FBXO27: variants seen among roughly 807,000 people sequenced by gnomAD.
FBXO27 encodes F-box protein 27.
Under a neutral mutation model 28.3 loss-of-function variants are expected in FBXO27, and 28 were observed. That is an observed-to-expected ratio of 0.99 (90% CI 0.73 to 1.36). FBXO27 has a LOEUF of 1.36. FBXO27 is among the 40% of genes most tolerant of loss of function. FBXO27 has a pLI of 0.00. For synonymous variants in FBXO27, 175 were observed against 167.3 expected, an observed-to-expected ratio of 1.05 and a Z score of -0.36; for missense variants, 388 against 394.1, an observed-to-expected ratio of 0.98 and a Z score of 0.13.
In FBXO27 at chr19:39,032,434, T is replaced by G; in HGVS notation, c.-27+69A>C. On this transcript the variant is annotated intron_variant, in intron 1 of 5. Coordinates refer to ENST00000292853, the MANE Select transcript of FBXO27 (RefSeq NM_178820.5). This position sits in a 1 kb window ranked among gnomAD's most constrained non-coding sequence, Gnocchi z 4.7. ...TATCCCGGAGACCCCGCGGTCTGTG[T>G]GTATGCCCCGAATTGCATGCAATCA... 1.4e-6 allele frequency: 1 copy of G among 703,566 alleles called. No homozygotes were observed. The highest frequency in any genetic ancestry group is 2.1e-6 in the Non-Finnish European group (1 of 472,244). The allele number at this position is 703,566 out of a possible 1,614,324, so 43.6% of individuals were successfully genotyped here. A position where few individuals can be genotyped will look rare whatever the true frequency, so the allele number is the denominator to read the frequency against.
intron 2 of FBXO27, among the ~76,000 whole-genome samples, chr19:39,012,078 C>A (rs183115230): frequency 6.6e-6 from 1 of 151,830 alleles, no homozygotes; most frequent in Non-Finnish European, 1.5e-5. Flanking sequence ...CGTGATCCGC[C>A]CGTCTCGGCC....
At chr19:39,012,192 T>A (rs2072798712) in intron 2 of FBXO27, among the ~76,000 whole-genome samples, 1 of 149,472 alleles carries the variant, frequency 6.7e-6, no homozygotes, top group South Asian at 2.1e-4. Flanking sequence ...ATTAACCTTT[T>A]TTTTTTTTTT....
intron 2 of FBXO27, among the ~76,000 whole-genome samples, chr19:39,012,341 C>T (rs983808031): frequency 7.2e-5 from 11 of 151,916 alleles, no homozygotes; most frequent in African/African-American, 2.2e-4. Flanking sequence ...TGGGCAACCA[C>T]GCCCGACCCA....
chr19:39,022,868 G>C (rs184457696), downstream of FBXO27, among the ~76,000 whole-genome samples: 280 of 152,220 alleles, frequency 1.8e-3, 1 homozygote, highest in African/African-American at 6.2e-3. Flanking sequence ...CGCGATCTTG[G>C]CTTACGGCAA....
At position 39,025,098 on chromosome 19, in the gene FBXO27, G is replaced by A. The variant is rs1451941683; in HGVS notation, c.*313C>T. On this transcript the variant is annotated 3_prime_UTR_variant, in exon 6 of 6. Coordinates refer to ENST00000292853, the MANE Select transcript of FBXO27 (RefSeq NM_178820.5). ...CTGGATCGGAGGGTTTTGGTTGGGA[G>A]GAGAAGAGAGGGGAGGGCAAGAATT... is the stretch of plus-strand genomic sequence containing the variant. 1.3e-5 allele frequency: 4 copies of A among 296,350 alleles called. No individual in the cohort carries two copies. Among genetic ancestry groups the A allele is most frequent in the Non-Finnish European group, 2.5e-5 (4 of 158,088 alleles). The allele number at this position is 296,350 out of a possible 1,614,324, so 18.4% of individuals were successfully genotyped here.
intron 2 of FBXO27, among the ~76,000 whole-genome samples, chr19:39,006,515 C>T (rs778030778): frequency 1.1e-4 from 16 of 151,860 alleles, no homozygotes; most frequent in Non-Finnish European, 2.2e-4. Context: ...GCCTAGATCA[C>T]GCCACTGAAC....
downstream of FBXO27, among the ~76,000 whole-genome samples, chr19:39,023,613 T>C (rs1231770622): frequency 2.6e-5 from 1 of 38,506 alleles, no homozygotes; most frequent in African/African-American, 8.6e-5. Context: ...ACCTATTGTC[T>C]TTTTTTTTTT....
downstream of FBXO27, among the ~76,000 whole-genome samples, chr19:39,021,188 T>C (rs1480740723): frequency 2.0e-5 from 3 of 152,180 alleles, no homozygotes; most frequent in African/African-American, 7.2e-5. Flanking sequence ...TTTCACAACA[T>C]GGACCCCTCT....
intron 2 of FBXO27, chr19:39,014,296 T>C (rs1174919584): frequency 6.6e-6 from 1 of 152,234 alleles, no homozygotes; most frequent in African/African-American, 2.4e-5. Flanking sequence ...TCAGTGGCTG[T>C]TCTTTGGCAG....
At position 39,025,403 on chromosome 19, in the gene FBXO27, G is replaced by GTGC; in HGVS notation, c.*5_*7dup. On this transcript the variant is annotated 3_prime_UTR_variant, in exon 6 of 6. Transcript: ENST00000292853. ...GTCAGGCTGTCTTGCAAGAAGGGTA[G>GTGC]TGCTGGACTAGGACAGACGGACTCG... The GTGC allele has an allele frequency of 6.2e-7, 1 of 1,611,004 alleles. No homozygotes were observed. The highest frequency in any genetic ancestry group is 8.5e-7 in the Non-Finnish European group (1 of 1,178,328).
intron 1 of FBXO27, among the ~76,000 whole-genome samples, chr19:39,016,624 A>C (rs1374555689): frequency 6.6e-6 from 1 of 151,484 alleles, no homozygotes; most frequent in Admixed American, 6.6e-5. Flanking sequence ...AAAAGCCAAA[A>C]AAACAAAAAT....
downstream of FBXO27, among the ~76,000 whole-genome samples, chr19:39,023,282 A>C (rs1408491084): frequency 6.6e-6 from 1 of 152,204 alleles, no homozygotes; most frequent in African/African-American, 2.4e-5. Context: ...CAGATGCAGA[A>C]GCTAGCCACA....
chr19:39,017,565 C>T (rs375115594), intron 1 of FBXO27, among the ~76,000 whole-genome samples: 8 of 150,782 alleles, frequency 5.3e-5, no homozygotes, highest in African/African-American at 2.0e-4. Context: ...CATGGTGGCA[C>T]GTGCCTGTAA....
At chr19:39,012,273 C>T (rs546227726) in intron 2 of FBXO27, among the ~76,000 whole-genome samples, 1 of 151,838 alleles carries the variant, frequency 6.6e-6, no homozygotes, top group Admixed American at 6.6e-5. Flanking sequence ...CAACCTCAGC[C>T]TCCCGGGTTC....
At chr19:39,014,734 A>AAAC (rs1555757171) in intron 1 of FBXO27, among the ~76,000 whole-genome samples, 41,860 of 148,916 alleles carry the variant, frequency 0.28, 6,660 homozygotes, top group South Asian at 0.48. Flanking sequence ...TAAAAACAAA[A>AAAC]AAACAAACAA....
At chr19:39,013,431 A>G (rs542072587) in intron 2 of FBXO27, among the ~76,000 whole-genome samples, 22 of 151,716 alleles carry the variant, frequency 1.5e-4, no homozygotes, top group Non-Finnish European at 2.5e-4. Context: ...GGAGTTCGAA[A>G]CCAGCCTGGC....
downstream of FBXO27, among the ~76,000 whole-genome samples, chr19:39,019,748 T>TTTTG (rs1356820913): frequency 6.6e-6 from 1 of 150,932 alleles, no homozygotes; most frequent in Admixed American, 6.6e-5. Context: ...TGTTTGTTTG[T>TTTTG]TTTGTTTGTT....
Position 39,024,725 on chromosome 19 carries a change from T to C in FBXO27, c.*686A>G, listed in dbSNP as rs1435466167. 1 of 151,758 alleles carries C rather than the reference T, an allele frequency of 6.6e-6. No individual in the cohort carries two copies. The highest frequency in any genetic ancestry group is 2.4e-5 in the African/African-American group (1 of 41,266). 9.4% of individuals were successfully genotyped at this position (151,758 alleles called of 1,614,324 possible). A position where few individuals can be genotyped will look rare whatever the true frequency, so the allele number is the denominator to read the frequency against. On this transcript the variant is annotated 3_prime_UTR_variant, in exon 6 of 6. Coordinates refer to ENST00000292853, the MANE Select transcript of FBXO27 (RefSeq NM_178820.5). Reference sequence around the variant, plus strand: ...TTTTAGTAGAGACGGGGTTTCACCATGTTGGCCAGGCTGGTCTTGAACTCC... The same window carrying C: ...TTTTAGTAGAGACGGGGTTTCACCACGTTGGCCAGGCTGGTCTTGAACTCC...
Position 39,025,536 on chromosome 19 carries a change from T to G in FBXO27, c.727A>C (p.Asn243His), listed in dbSNP as rs2072868422. ...ACLHVTHVFS[N>H]IKMGVRFVSF... ...ACAAAGCGGACGCCCATCTTGATGT[T>G]GGAGAACACGTGGGTGACCTGTAGG... The change falls in exon 6 of 6, where the codon AAC becomes CAC. Residue 243 changes from asparagine to histidine, a missense_variant. Asn to His is a moderately conservative substitution (Grantham distance 68). Transcript: ENST00000292853. 6 of 1,613,992 alleles carry G rather than the reference T, an allele frequency of 3.7e-6. No individual in the cohort carries two copies. In the East Asian group the frequency reaches 1.3e-4, roughly 36 times the overall value.
Sources: gnomAD v4.1 joint callset for allele counts (sites outside exome capture counted in the v4.1 genomes callset) on GRCh38, gnomAD v4.1.1 for gene constraint, Gnocchi (gnomAD v3.1) non-coding constraint, MANE v1.5 for transcripts, NCBI Gene and HGNC (gene_info 2026-07-23, HGNC 2026-07-21) for gene names.